ZDHHC15: variants seen among roughly 807,000 people sequenced by gnomAD.
The protein encoded by ZDHHC15 is palmitoyltransferase ZDHHC15.
ZDHHC15 carries 19 observed loss-of-function variants against 31.7 expected under a neutral mutation model. The ratio of observed to expected loss-of-function variants is 0.60; its 90% CI spans 0.42 to 0.88. The LOEUF is 0.88. Ranked by LOEUF, ZDHHC15 falls within the 40% of genes least tolerant of loss-of-function variation. The pLI, the probability that ZDHHC15 is intolerant of heterozygous loss-of-function variation, is 0.00. For missense variants in ZDHHC15, 209 were observed against 251.2 expected, an observed-to-expected ratio of 0.83 and a Z score of 1.14; for synonymous variants, 103 against 90.0, an observed-to-expected ratio of 1.14 and a Z score of -0.82.
chrX:75,451,368 C>T (rs941669379), intron 3 of ZDHHC15, among the ~76,000 whole-genome samples: 1 of 112,201 alleles, frequency 8.9e-6, no homozygotes, highest in Non-Finnish European at 1.9e-5. Flanking sequence ...TGATAACACC[C>T]TTGGAGAAGC....
intron 1 of ZDHHC15, among the ~76,000 whole-genome samples, chrX:75,521,908 T>G (rs989612981): frequency 3.6e-5 from 4 of 110,789 alleles, no homozygotes; most frequent in African/African-American, 1.3e-4. Flanking sequence ...GAATAATGAT[T>G]AGAAAAGTAG....
chrX:75,458,338 G>C (rs910606066), intron 3 of ZDHHC15, among the ~76,000 whole-genome samples: 9 of 111,410 alleles, frequency 8.1e-5, no homozygotes, highest in African/African-American at 2.9e-4. Context: ...GAGGCATGAA[G>C]ATTTATGAGA....
At position 75,424,743 on chromosome X, in the gene ZDHHC15, A is replaced by T; in HGVS notation, c.645T>A (p.Phe215Leu). Reference sequence around the variant, plus strand: ...AAAACATGCAGGCCACAAAGAGAAGAAAAAGGACATGGAACTTAGAGCGAA... The same window carrying T: ...AAAACATGCAGGCCACAAAGAGAAGTAAAAGGACATGGAACTTAGAGCGAA... ...PSVRSKFHVL[F>L]LLFVACMFFV... Residue 215 changes from phenylalanine (F) to leucine (L), a missense_variant, in exon 8 of 12, where the codon TTT becomes TTA. Physicochemically the swap from Phe to Leu is conservative, Grantham distance 22. Transcript: ENST00000373367. 1 of 1,206,950 alleles carries T rather than the reference A, an allele frequency of 8.3e-7. No homozygotes were observed. Among genetic ancestry groups the T allele is most frequent in the Non-Finnish European group, 1.1e-6 (1 of 893,028 alleles).
At chrX:75,496,913 T>C (rs968599174) in intron 2 of ZDHHC15, among the ~76,000 whole-genome samples, 1 of 109,381 alleles carries the variant, frequency 9.1e-6, no homozygotes, top group African/African-American at 3.3e-5. Context: ...AAACAAACAA[T>C]CTAAGCTCAC....
intron 7 of ZDHHC15, among the ~76,000 whole-genome samples, chrX:75,425,694 C>A (rs965812369): frequency 9.0e-6 from 1 of 111,606 alleles, no homozygotes; most frequent in Non-Finnish European, 1.9e-5. Flanking sequence ...TTTCCAATTG[C>A]TCTCTAGTAA....
chrX:75,403,142 T>A (rs927507405), intron 10 of ZDHHC15, among the ~76,000 whole-genome samples: 2 of 112,278 alleles, frequency 1.8e-5, no homozygotes, highest in Admixed American at 9.4e-5. Context: ...AAAAACCACA[T>A]GATTATCTCA....
intron 2 of ZDHHC15, among the ~76,000 whole-genome samples, chrX:75,485,001 T>A (rs1286266160): frequency 9.0e-6 from 1 of 111,653 alleles, no homozygotes; most frequent in Non-Finnish European, 1.9e-5. Flanking sequence ...TATATAACTA[T>A]GGGAAAGGTA....
At chrX:75,445,054 T>C (rs1280415042) in intron 4 of ZDHHC15, among the ~76,000 whole-genome samples, 1 of 110,691 alleles carries the variant, frequency 9.0e-6, no homozygotes, top group East Asian at 2.8e-4. Flanking sequence ...TCACCTTTCC[T>C]GGGTCTCCAT....
intron 3 of ZDHHC15, among the ~76,000 whole-genome samples, chrX:75,476,996 T>C (rs2084615713): frequency 9.0e-6 from 1 of 111,601 alleles, no homozygotes; most frequent in African/African-American, 3.2e-5. Flanking sequence ...TTTATCCTTT[T>C]TAAATGAAGG....
chrX:75,456,154 C>A (rs1443719356), intron 3 of ZDHHC15, among the ~76,000 whole-genome samples: 1 of 111,329 alleles, frequency 9.0e-6, no homozygotes, highest in African/African-American at 3.3e-5. Context: ...ACATATACAC[C>A]ATGGAATACT....
At chrX:75,455,555 G>T (rs1348001895) in intron 3 of ZDHHC15, among the ~76,000 whole-genome samples, 1 of 111,761 alleles carries the variant, frequency 8.9e-6, no homozygotes, top group African/African-American at 3.3e-5. Flanking sequence ...GCAGACAAAA[G>T]AAACTACCAT....
At chrX:75,442,965 G>A (rs368476924) in intron 4 of ZDHHC15, among the ~76,000 whole-genome samples, 1 of 87,646 alleles carries the variant, frequency 1.1e-5, no homozygotes, top group African/African-American at 4.7e-5. Flanking sequence ...CAGCCTGGGC[G>A]ACAGAGCGAG....
chrX:75,432,619 TCA>T (rs1296302185), intron 4 of ZDHHC15, among the ~76,000 whole-genome samples: 2 of 111,497 alleles, frequency 1.8e-5, no homozygotes, highest in Non-Finnish European at 3.8e-5. Flanking sequence ...GTGTAATTTA[TCA>T]CTCTGCTTTC....
intron 4 of ZDHHC15, among the ~76,000 whole-genome samples, chrX:75,435,685 T>C (rs1569327201): frequency 1.8e-5 from 2 of 112,396 alleles, no homozygotes; most frequent in African/African-American, 3.2e-5. Context: ...ATCCATGGTA[T>C]GAAACCCACA....
chrX:75,428,633 A>ATTC (rs923112163), intron 7 of ZDHHC15, among the ~76,000 whole-genome samples: 1 of 111,911 alleles, frequency 8.9e-6, no homozygotes, highest in Non-Finnish European at 1.9e-5. Context: ...TCTCATAGGA[A>ATTC]TTCTGCAACT....
chrX:75,470,303 G>C, intron 3 of ZDHHC15, among the ~76,000 whole-genome samples: 1 of 111,707 alleles, frequency 9.0e-6, no homozygotes, highest in East Asian at 2.8e-4. Flanking sequence ...CTTCAGTTTT[G>C]GGACTCGGAC....
At chrX:75,412,139 G>A (rs1015499158) in intron 10 of ZDHHC15, among the ~76,000 whole-genome samples, 6 of 111,889 alleles carry the variant, frequency 5.4e-5, no homozygotes, top group Non-Finnish European at 9.4e-5. Flanking sequence ...CGTTGGTGAG[G>A]ATATGGAGAA....
intron 10 of ZDHHC15, among the ~76,000 whole-genome samples, chrX:75,414,936 T>A (rs1208076829): frequency 9.3e-6 from 1 of 107,814 alleles, no homozygotes; most frequent in Non-Finnish European, 1.9e-5. Flanking sequence ...TGGCTATTTT[T>A]TTTTTTTGTA....
chrX:75,422,601 T>C (rs1478793276), intron 8 of ZDHHC15, among the ~76,000 whole-genome samples: 1 of 111,167 alleles, frequency 9.0e-6, no homozygotes, highest in African/African-American at 3.3e-5. Flanking sequence ...TTTATCCCAT[T>C]AAGTAAATGA....
Sources: allele counts gnomAD v4.1 joint callset (sites outside exome capture counted in the v4.1 genomes callset), GRCh38; gene constraint gnomAD v4.1.1; transcripts MANE v1.5; gene names NCBI Gene and HGNC (gene_info 2026-07-23, HGNC 2026-07-21).